The following PDE4D variants were observed in gnomAD, a reference collection of about 807,000 sequenced individuals.
The protein encoded by PDE4D is 3',5'-cyclic-AMP phosphodiesterase 4D.
A neutral mutation model predicts 87.4 loss-of-function variants in PDE4D; 24 were observed. The observed-to-expected ratio is 0.27, with a 90% CI of 0.20 to 0.39. PDE4D has a LOEUF of 0.39. Ranked by LOEUF, PDE4D falls within the 10% of genes least tolerant of loss-of-function variation. The pLI is 1.00. For missense variants in PDE4D, 714 were observed against 1,041.0 expected, an observed-to-expected ratio of 0.69 and a Z score of 4.32; for synonymous variants, 384 against 383.2, an observed-to-expected ratio of 1.00 and a Z score of -0.02.
chr5:59,911,919 T>C (rs1290362657), intron 3 of PDE4D, among the ~76,000 whole-genome samples: 3 of 152,232 alleles, frequency 2.0e-5, no homozygotes, highest in African/African-American at 7.2e-5. Context: ...TTTAAATGGA[T>C]AATTTATTTT....
At chr5:59,428,668 A>G (rs1795668388) in intron 1 of PDE4D, among the ~76,000 whole-genome samples, 4 of 152,132 alleles carry the variant, frequency 2.6e-5, no homozygotes, top group Admixed American at 6.5e-5. Flanking sequence ...AAAATTTACA[A>G]CTTAAGAAAA....
At chr5:59,116,972 G>T (rs1303686800) in intron 5 of PDE4D, among the ~76,000 whole-genome samples, 1 of 152,182 alleles carries the variant, frequency 6.6e-6, no homozygotes, top group Non-Finnish European at 1.5e-5. Context: ...ACAACAGCTG[G>T]TAATTATTCA....
At chr5:60,358,550 C>T (rs553739629) in intron 1 of PDE4D, among the ~76,000 whole-genome samples, 23 of 152,206 alleles carry the variant, frequency 1.5e-4, no homozygotes, top group African/African-American at 5.5e-4. Flanking sequence ...CTGCCTTTGG[C>T]TTCACACTCA....
At chr5:59,146,066 G>A (rs1778610062) in intron 5 of PDE4D, among the ~76,000 whole-genome samples, 1 of 152,196 alleles carries the variant, frequency 6.6e-6, no homozygotes, top group Non-Finnish European at 1.5e-5. Flanking sequence ...GGTGGAGGTT[G>A]CAGTGAGCTG....
chr5:59,879,348 T>C lies in PDE4D; in HGVS notation c.455+13820A>G, dbSNP rs958838123. Among the ~76,000 whole-genome samples, 8 of 152,214 alleles carry C rather than the reference T, an allele frequency of 5.3e-5. 1 individual carries two copies. The highest frequency in any genetic ancestry group is 4.4e-5 in the Non-Finnish European group (3 of 68,036). ...TTCTTGCTTTTCCTTACCAGCCCCA[T>C]CCTCCACAGCCGGAACTCCGTATAT... On this transcript the variant is annotated intron_variant, in intron 1 of 14. Coordinates refer to ENST00000340635, the MANE Select transcript of PDE4D (RefSeq NM_001104631.2).
rs1039302251 is a variant in PDE4D, at chr5:59,330,826, C to G, written c.456-114858G>C. On this transcript the variant is annotated intron_variant, in intron 1 of 14. Coordinates refer to ENST00000340635, the MANE Select transcript of PDE4D (RefSeq NM_001104631.2). ...CTGGTTGTCTCGCTGTGGCACTTCT[C>G]TGTTTATGTTGCCATGGCTTCCTCG... 6.6e-5 allele frequency among the ~76,000 whole-genome samples: 10 copies of G among 152,314 alleles called. No individual in the cohort carries two copies. In the East Asian group the frequency reaches 1.4e-3, roughly 21 times the overall value.
At chr5:59,412,648 A>G (rs1240503765) in intron 1 of PDE4D, among the ~76,000 whole-genome samples, 2 of 152,236 alleles carry the variant, frequency 1.3e-5, no homozygotes, top group African/African-American at 4.8e-5. Context: ...CAATACAATG[A>G]GAGGTTGTTA....
chr5:60,162,394 T>C (rs944500344), intron 2 of PDE4D, among the ~76,000 whole-genome samples: 3 of 152,154 alleles, frequency 2.0e-5, no homozygotes, highest in African/African-American at 7.2e-5. Flanking sequence ...ACAAATTACA[T>C]TGTATCTCTA....
intron 2 of PDE4D, among the ~76,000 whole-genome samples, chr5:60,163,212 G>A (rs533291303): frequency 6.6e-6 from 1 of 152,088 alleles, no homozygotes; most frequent in East Asian, 1.9e-4. Context: ...ACACATAAGC[G>A]TGTTTCCTCT....
intron 2 of PDE4D, among the ~76,000 whole-genome samples, chr5:60,159,910 C>T (rs73100754): frequency 0.033 from 5,019 of 152,080 alleles, 248 homozygotes; most frequent in African/African-American, 0.1. Flanking sequence ...TGTGAATGAG[C>T]GTCATTTGAA....
intron 1 of PDE4D, among the ~76,000 whole-genome samples, chr5:60,214,384 T>G (rs1427862735): frequency 1.3e-5 from 2 of 152,230 alleles, no homozygotes; most frequent in Non-Finnish European, 2.9e-5. Flanking sequence ...TTCAATACTT[T>G]CTAGTTTGTG....
intron 1 of PDE4D, among the ~76,000 whole-genome samples, chr5:60,215,388 A>AT (rs1743747492): frequency 6.6e-6 from 1 of 152,004 alleles, no homozygotes; most frequent in African/African-American, 2.4e-5. Flanking sequence ...ACTTATGAGG[A>AT]TTTTTTTCCC....
intron 1 of PDE4D, among the ~76,000 whole-genome samples, chr5:59,418,597 T>C (rs1793995684): frequency 6.6e-6 from 1 of 152,160 alleles, no homozygotes. Context: ...GGACAATATT[T>C]AGAGAACAGA....
At chr5:59,571,273 A>C (rs73099635) in intron 1 of PDE4D, among the ~76,000 whole-genome samples, 3,528 of 152,288 alleles carry the variant, frequency 0.023, 132 homozygotes, top group African/African-American at 0.08. Context: ...TAAATACTGT[A>C]CTCAGCAGTT....
intron 6 of PDE4D, among the ~76,000 whole-genome samples, chr5:59,015,138 A>T (rs558606684): frequency 2.0e-4 from 30 of 152,336 alleles, no homozygotes; most frequent in African/African-American, 7.2e-4. Context: ...CGGATTAAAG[A>T]CTTACATGTT....
chr5:59,897,078 A>G (rs1751736763), upstream of PDE4D, among the ~76,000 whole-genome samples: 1 of 152,230 alleles, frequency 6.6e-6, no homozygotes, highest in Non-Finnish European at 1.5e-5. Flanking sequence ...CTGGAAAGCT[A>G]TCACTACTTA....
chr5:58,977,425 G>A (rs955110160), intron 11 of PDE4D, 80 bp from the exon 12 acceptor site: 1 of 1,368,152 alleles, frequency 7.3e-7, no homozygotes, highest in Non-Finnish European at 1.0e-6. Flanking sequence ...CTGGATTTAG[G>A]ATGTAATTTC....
chr5:60,311,731 G>A (rs1755058395), intron 1 of PDE4D, among the ~76,000 whole-genome samples: 1 of 152,184 alleles, frequency 6.6e-6, no homozygotes, highest in East Asian at 1.9e-4. Context: ...AACCTTGAGT[G>A]TAAATGGGCT....
intron 1 of PDE4D, among the ~76,000 whole-genome samples, chr5:59,770,250 T>C (rs1260583832): frequency 6.6e-6 from 1 of 152,124 alleles, no homozygotes; most frequent in African/African-American, 2.4e-5. Flanking sequence ...ATATATACTA[T>C]ATTTCTATAC....
Sources: allele counts gnomAD v4.1 joint callset (sites outside exome capture counted in the v4.1 genomes callset), GRCh38; gene constraint gnomAD v4.1.1; transcripts MANE v1.5; gene names NCBI Gene and HGNC (gene_info 2026-07-23, HGNC 2026-07-21).